Variants in COL6A3 observed in about 807,000 individuals in gnomAD.
COL6A3 encodes the protein collagen alpha-3(VI) chain.
Under a neutral mutation model 274.1 loss-of-function variants are expected in COL6A3, and 137 were observed. The ratio of observed to expected loss-of-function variants is 0.50; its 90% confidence interval spans 0.44 to 0.58. The LOEUF is 0.58. Ranked by LOEUF, COL6A3 falls within the 20% of genes least tolerant of loss-of-function variation. The pLI is 0.00. For missense variants in COL6A3, 3,950 were observed against 4,124.9 expected (o/e 0.96, Z 1.16); for synonymous variants, 1,650 against 1,650.6 (o/e 1.00, Z 0.01).
At position 237,334,853 on chromosome 2, in the gene COL6A3, G is replaced by A; in HGVS notation, c.9002C>T (p.Thr3001Ile). The change falls in exon 41 of 44, where the codon ACA becomes ATA. Residue 3001 changes from threonine (T) to isoleucine (I), a missense_variant. Physicochemically the swap from Thr to Ile is moderately conservative, Grantham distance 89. Coordinates refer to ENST00000295550, the MANE Select transcript of COL6A3 (RefSeq NM_004369.4). ...CCAGTGGAGTTTGGCGCTGTTCTCTGTTATCTCAAACACCTGGACTTCACG... is the reference window on the plus strand; with the variant it reads ...CCAGTGGAGTTTGGCGCTGTTCTCTATTATCTCAAACACCTGGACTTCACG... ...MSREVQVFEI[T>I]ENSAKLHWER... 4.3e-6 allele frequency: 7 copies of A among 1,614,152 alleles called. No homozygotes were observed. Among genetic ancestry groups the A allele is most frequent in the Non-Finnish European group, 5.1e-6 (6 of 1,180,032 alleles).
chr2:237,387,764 A>G lies in COL6A3; in HGVS notation c.1130T>C (p.Phe377Ser), dbSNP rs2078184323. 1 of 1,613,922 alleles carries G rather than the reference A, an allele frequency of 6.2e-7. No homozygotes were observed. Among genetic ancestry groups the G allele is most frequent in the East Asian group, 2.2e-5 (1 of 44,880 alleles). The change falls in exon 4 of 44, where the codon TTC (phenylalanine) becomes TCC (serine). Residue 377 changes from phenylalanine (F) to serine (S), a missense_variant. By Grantham distance (155) the Phe-to-Ser change is radical. This residue lies in a region of COL6A3 where 1,934 missense variants were observed against 1,984.3 expected (regional missense o/e 0.97). Transcript: ENST00000295550. ...GGAGGCGGCCTGGGCTCCAAGGCCGAATGAGAACACGCTAGCCTGCTTCAG... is the reference window on the plus strand; with the variant it reads ...GGAGGCGGCCTGGGCTCCAAGGCCGGATGAGAACACGCTAGCCTGCTTCAG... Reference protein sequence around the residue: ...VALKQASVFSFGLGAQAASRA... With the variant: ...VALKQASVFSSGLGAQAASRA...
intron 23 of COL6A3, 111 bp from the exon 24 acceptor site, chr2:237,355,045 C>G: frequency 9.8e-7 from 1 of 1,017,800 alleles, no homozygotes; most frequent in Non-Finnish European, 1.5e-6. Context: ...TCAGGGGAAT[C>G]TTCCCAAGCA....
chr2:237,340,178 A>G (rs1202643261), intron 38 of COL6A3, among the ~76,000 whole-genome samples: 1 of 152,222 alleles, frequency 6.6e-6, no homozygotes, highest in Non-Finnish European at 1.5e-5. Context: ...TAAACTGTTA[A>G]GGACACCAAG....
At position 237,361,193 on chromosome 2, in the gene COL6A3, G is replaced by A; in HGVS notation, c.6157-19C>T. 3 of 1,613,136 alleles carry A rather than the reference G, an allele frequency of 1.9e-6. No individual in the cohort carries two copies. The highest frequency in any genetic ancestry group is 2.5e-6 in the Non-Finnish European group (3 of 1,179,142). Reference sequence around the variant, plus strand: ...GAATACCCTGAAACAAAGTAATCGGGTCCTCTGTTTAATCCCGTGGTCTTC... The same window carrying A: ...GAATACCCTGAAACAAAGTAATCGGATCCTCTGTTTAATCCCGTGGTCTTC... On this transcript the variant is annotated intron_variant, in intron 15 of 43. Transcript: ENST00000295550. This position sits in a 1 kb window ranked among gnomAD's most constrained non-coding sequence, Gnocchi z 5.1.
chr2:237,324,881 T>C (rs1354108641), intron 43 of COL6A3, 67 bp from the exon 44 acceptor site: 3 of 1,534,994 alleles, frequency 2.0e-6, no homozygotes, highest in Non-Finnish European at 1.8e-6. Flanking sequence ...AAAAGCCACA[T>C]TACTGACCCA....
Position 237,376,978 on chromosome 2 carries a change from C to T in COL6A3, c.2864G>A (p.Arg955His), listed in dbSNP as rs112172548. 7.3e-5 allele frequency: 118 copies of T among 1,614,122 alleles called. No homozygotes were observed. The highest frequency in any genetic ancestry group is 8.2e-5 in the Non-Finnish European group (97 of 1,180,056). Residue 955 changes from arginine to histidine, a missense_variant, in exon 7 of 44, where the codon CGT (arginine) becomes CAT (histidine). This residue lies in a region of COL6A3 where 1,934 missense variants were observed against 1,984.3 expected (regional missense o/e 0.97). Transcript: ENST00000295550. ...CAGGTTACTTGCTGGCCCATCCACA[C>T]GGTCAGATGACCTTCCTGCGACCAG... Reference protein sequence around the residue: ...VLLVAGRSSDRVDGPASNLKQ... With the variant: ...VLLVAGRSSDHVDGPASNLKQ...
Position 237,344,282 on chromosome 2 carries a change from C to CGTGTCT in COL6A3, c.7668+62_7668+67dup. The CGTGTCT allele has an allele frequency of 1.2e-6, 2 of 1,610,396 alleles. No individual in the cohort carries two copies. The highest frequency in any genetic ancestry group is 1.7e-6 in the Non-Finnish European group (2 of 1,177,652). On this transcript the variant is annotated intron_variant, in intron 36 of 43. Transcript: ENST00000295550. The surrounding 1 kb of genome is among the most constrained non-coding windows in gnomAD (Gnocchi z 4.8). Reference sequence around the variant, plus strand: ...ACATGAAGCCACAAAGGAGCATGGACGTGTCTGAGAACCTTCTCAGAGCCC... The same window carrying CGTGTCT: ...ACATGAAGCCACAAAGGAGCATGGACGTGTCTGTGTCTGAGAACCTTCTCAGAGCCC...
chr2:237,371,558 A>G lies in COL6A3; in HGVS notation c.4285+174T>C, dbSNP rs1380546828. The G allele has an allele frequency of 5.7e-6, 8 of 1,394,476 alleles. No individual in the cohort carries two copies. The highest frequency in any genetic ancestry group is 7.6e-6 in the Non-Finnish European group (8 of 1,058,844). 86.4% of individuals were successfully genotyped at this position (1,394,476 alleles called of 1,614,324 possible). On this transcript the variant is annotated intron_variant, in intron 9 of 43. Transcript: ENST00000295550. The surrounding 1 kb of genome is among the most constrained non-coding windows in gnomAD (Gnocchi z 4.3). ...GGTTAAAATGAGTTATGATCATGCC[A>G]CTGCACTCCAGCCTGGACGACAGAG...
In COL6A3 at chr2:237,375,039, G is replaced by A. The variant is rs373629500; in HGVS notation, c.3071-19C>T. ...CCTGAAACTGGGAGGAGGACAGCCTGGTAACTCACACAGGACATCAGAGCA... is the reference window on the plus strand; with the variant it reads ...CCTGAAACTGGGAGGAGGACAGCCTAGTAACTCACACAGGACATCAGAGCA... On this transcript the variant is annotated intron_variant, in intron 7 of 43. Coordinates refer to ENST00000295550, the MANE Select transcript of COL6A3 (RefSeq NM_004369.4). 4 of 1,612,680 alleles carry A rather than the reference G, an allele frequency of 2.5e-6. No individual in the cohort carries two copies. The highest frequency in any genetic ancestry group is 1.1e-5 in the South Asian group (1 of 91,062).
chr2:237,394,734 T>G lies in COL6A3; in HGVS notation c.562A>C (p.Ile188Leu), dbSNP rs1178180866. The part of the protein sequence containing the change: ...EDADEGALKE[I>L]ASEPLNMHMF... ...TGCATATTGAGCGGTTCACTTGCTATTTCTTTTAACGCTCCTTCATCTGCA... is the reference window on the plus strand; with the variant it reads ...TGCATATTGAGCGGTTCACTTGCTAGTTCTTTTAACGCTCCTTCATCTGCA... The change falls in exon 3 of 44, where the codon ATA (isoleucine) becomes CTA (leucine). Residue 188 changes from isoleucine (I) to leucine (L), a missense_variant. Physicochemically the swap from Ile to Leu is conservative, Grantham distance 5. This residue lies in a region of COL6A3 where 1,934 missense variants were observed against 1,984.3 expected (regional missense o/e 0.97). Coordinates refer to ENST00000295550, the MANE Select transcript of COL6A3 (RefSeq NM_004369.4). The G allele has an allele frequency of 6.2e-7, 1 of 1,614,238 alleles. No homozygotes were observed. The highest frequency in any genetic ancestry group is 8.5e-7 in the Non-Finnish European group (1 of 1,180,048).
chr2:237,331,641 G>A (rs1397588868), intron 42 of COL6A3, among the ~76,000 whole-genome samples: 1 of 151,858 alleles, frequency 6.6e-6, no homozygotes, highest in Non-Finnish European at 1.5e-5. Context: ...TCAGGCCAAG[G>A]CAGGTTAAGT....
intron 1 of COL6A3, among the ~76,000 whole-genome samples, chr2:237,401,065 G>A (rs1275214411): frequency 6.6e-6 from 1 of 152,136 alleles, no homozygotes; most frequent in Admixed American, 6.5e-5. Context: ...CTGACTTAAA[G>A]ACAGACATAT....
At chr2:237,363,622 A>C (rs1202058790) in intron 13 of COL6A3, among the ~76,000 whole-genome samples, 1 of 152,230 alleles carries the variant, frequency 6.6e-6, no homozygotes, top group South Asian at 2.1e-4. Flanking sequence ...CCTATTACTA[A>C]AAATATAGGA....
chr2:237,335,121 CT>C (rs1020446523), intron 40 of COL6A3, among the ~76,000 whole-genome samples: 12 of 152,122 alleles, frequency 7.9e-5, no homozygotes, highest in African/African-American at 2.4e-4. Flanking sequence ...TATTCATCAA[CT>C]TTTTTTTCTA....
Position 237,361,001 on chromosome 2 carries a change from T to A in COL6A3, c.6210+120A>T. 1.2e-6 allele frequency: 1 copy of A among 848,250 alleles called. No homozygotes were observed. Among genetic ancestry groups the A allele is most frequent in the Non-Finnish European group, 2.0e-6 (1 of 497,396 alleles). The allele number at this position is 848,250 out of a possible 1,614,324, so 52.5% of individuals were successfully genotyped here. On this transcript the variant is annotated intron_variant, in intron 16 of 43. Transcript: ENST00000295550. This position sits in a 1 kb window ranked among gnomAD's most constrained non-coding sequence, Gnocchi z 5.1. Reference sequence around the variant, plus strand: ...GTTGTTAAGAAAAGTATAAATTAATTTTTCTCCCAAAGGGAAAGCCATCAG... The same window carrying A: ...GTTGTTAAGAAAAGTATAAATTAATATTTCTCCCAAAGGGAAAGCCATCAG...
At chr2:237,388,598 G>T (rs1249941896) in intron 3 of COL6A3, among the ~76,000 whole-genome samples, 1 of 152,170 alleles carries the variant, frequency 6.6e-6, no homozygotes, top group African/African-American at 2.4e-5. Context: ...CTTTAGAGAT[G>T]ATTTCTAATT....
intron 30 of COL6A3, 92 bp from the exon 31 acceptor site, chr2:237,347,961 G>T: frequency 8.3e-7 from 1 of 1,200,472 alleles, no homozygotes. Context: ...AGACGTGTGG[G>T]TCACACTTTT....
chr2:237,332,070 C>CATATAT (rs58082340), intron 42 of COL6A3, among the ~76,000 whole-genome samples: 36 of 35,168 alleles, frequency 1.0e-3, no homozygotes, highest in Non-Finnish European at 1.4e-3. Flanking sequence ...TCTCTCTCTA[C>CATATAT]ATATATATAT....
chr2:237,368,849 G>T lies in COL6A3; in HGVS notation c.4614C>A (p.Asp1538Glu), dbSNP rs199759398. Residue 1538 changes from aspartate (D) to glutamate (E), a missense_variant, in exon 10 of 44, where the codon GAC (aspartate) becomes GAA (glutamate). Physicochemically the swap from Asp to Glu is conservative, Grantham distance 45. Coordinates refer to ENST00000295550, the MANE Select transcript of COL6A3 (RefSeq NM_004369.4). The surrounding 1 kb of genome is among the most constrained non-coding windows in gnomAD (Gnocchi z 4.4). ...CCAGGACCAGGTGTTGGGGCACCCC[G>T]TCTTCTATGCGACTCCCCGCAGACT... ...FVKSAGSRIEDGVPQHLVLVL... is the reference protein window; with the variant it reads ...FVKSAGSRIEEGVPQHLVLVL... 1 of 1,614,066 alleles carries T rather than the reference G, an allele frequency of 6.2e-7. No homozygotes were observed. The highest frequency in any genetic ancestry group is 8.5e-7 in the Non-Finnish European group (1 of 1,180,028).
Sources: allele counts gnomAD v4.1 joint callset (sites outside exome capture counted in the v4.1 genomes callset), GRCh38; gene constraint gnomAD v4.1.1; regional missense constraint gnomAD v4.1.1; non-coding constraint Gnocchi (gnomAD v3.1); transcripts MANE v1.5; gene names NCBI Gene and HGNC (gene_info 2026-07-23, HGNC 2026-07-21).